The following ZNF529 variants were observed in gnomAD, a reference collection of about 807,000 sequenced individuals.
The protein encoded by ZNF529 is zinc finger protein 529.
ZNF529 carries 11 observed loss-of-function variants against 10.1 expected under a neutral mutation model. That is an observed-to-expected ratio of 1.09 (90% CI 0.69 to 1.81). The LOEUF (loss-of-function observed/expected upper bound fraction) is 1.81, where lower values mean the gene tolerates loss of function less well. ZNF529 is among the 40% of genes most tolerant of loss of function. The probability of loss-of-function intolerance (pLI) is 0.00; values close to 1 mark genes in which losing one functional copy is unlikely to be tolerated. For synonymous variants in ZNF529, 204 were observed against 215.7 expected, an observed-to-expected ratio of 0.95 and a Z score of 0.47; for missense variants, 624 against 666.8, an observed-to-expected ratio of 0.94 and a Z score of 0.71.
At chr19:36,598,597 T>C (rs377133412) in intron 1 of ZNF529, among the ~76,000 whole-genome samples, 31 of 152,282 alleles carry the variant, frequency 2.0e-4, no homozygotes, top group African/African-American at 7.0e-4. Flanking sequence ...ATGTTAATCT[T>C]AGCTCTGAAA....
chr19:36,559,319 C>T (rs551078398), intron 2 of ZNF529, among the ~76,000 whole-genome samples: 7 of 152,284 alleles, frequency 4.6e-5, no homozygotes, highest in African/African-American at 1.2e-4. Context: ...CTCTTTTCCC[C>T]CTGCACCAAG....
At chr19:36,553,690 G>A (rs2035350196) in intron 4 of ZNF529, among the ~76,000 whole-genome samples, 1 of 152,198 alleles carries the variant, frequency 6.6e-6, no homozygotes, top group African/African-American at 2.4e-5. Flanking sequence ...CACACAGTAT[G>A]TTAAAAGTTC....
At chr19:36,562,131 G>A (rs1014175455) in intron 2 of ZNF529, among the ~76,000 whole-genome samples, 5 of 152,050 alleles carry the variant, frequency 3.3e-5, no homozygotes, top group Non-Finnish European at 7.4e-5. Flanking sequence ...CCAGCTACTC[G>A]GGAGGCTGAG....
At chr19:36,574,936 G>A (rs1369668678), upstream of ZNF529, 2 of 470,256 alleles carry the variant, frequency 4.3e-6, no homozygotes, top group Non-Finnish European at 8.8e-6. Flanking sequence ...AAGCTGATAA[G>A]CCTTTTAGAA....
rs3108596 is a variant in ZNF529 at position 36,573,148 on chromosome 19, T to G, written c.-55A>C. 1.3e-4 allele frequency: 40 copies of G among 297,666 alleles called. No individual in the cohort carries two copies. The highest frequency in any genetic ancestry group is 7.9e-4 in the African/African-American group (36 of 45,700). The allele number at this position is 297,666 out of a possible 1,614,324, so 18.4% of individuals were successfully genotyped here. A position where few individuals can be genotyped will look rare whatever the true frequency, so the allele number is the denominator to read the frequency against. ...TAAACAATAGCACTAACCACCATCGTCCGCAGCTCCCGCGTACAGAGGCCT... is the reference window on the plus strand; with the variant it reads ...TAAACAATAGCACTAACCACCATCGGCCGCAGCTCCCGCGTACAGAGGCCT... On this transcript the variant is annotated 5_prime_UTR_variant, in exon 1 of 5. Coordinates refer to ENST00000591340, the MANE Select transcript of ZNF529 (RefSeq NM_020951.5).
intron 4 of ZNF529, among the ~76,000 whole-genome samples, chr19:36,549,002 C>CA (rs977510104): frequency 6.6e-5 from 10 of 151,806 alleles, no homozygotes; most frequent in African/African-American, 1.2e-4. Flanking sequence ...GAGTCCGTCT[C>CA]AAAAAAAACC....
chr19:36,571,539 G>A (rs537281320), intron 2 of ZNF529, among the ~76,000 whole-genome samples: 5 of 152,142 alleles, frequency 3.3e-5, no homozygotes, highest in Admixed American at 1.3e-4. Context: ...GCCGGGCATG[G>A]TGGCGGGCGC....
chr19:36,583,287 G>A (rs2145249063), intron 2 of ZNF529, among the ~76,000 whole-genome samples: 2 of 151,974 alleles, frequency 1.3e-5, no homozygotes, highest in Non-Finnish European at 2.9e-5. Context: ...GAACTCCTGG[G>A]CTCAAGAAAT....
intron 2 of ZNF529, chr19:36,581,214 G>A (rs147733764): frequency 4.3e-4 from 65 of 152,256 alleles, no homozygotes; most frequent in African/African-American, 1.5e-3. Context: ...ACATTACAGG[G>A]AATGTGCATT....
At chr19:36,553,106 C>G (rs1462789408) in intron 4 of ZNF529, among the ~76,000 whole-genome samples, 1 of 152,126 alleles carries the variant, frequency 6.6e-6, no homozygotes, top group African/African-American at 2.4e-5. Flanking sequence ...ACTTATATCA[C>G]AGAGTTATTG....
intron 2 of ZNF529, among the ~76,000 whole-genome samples, chr19:36,588,138 A>G (rs1484757099): frequency 1.3e-5 from 2 of 152,136 alleles, no homozygotes; most frequent in African/African-American, 4.8e-5. Flanking sequence ...AAAGAGCAAG[A>G]CTCTCTCAAA....
At chr19:36,577,494 C>CTT (rs775727195), upstream of ZNF529, 17 of 141,230 alleles carry the variant, frequency 1.2e-4, no homozygotes, top group South Asian at 2.2e-4. Flanking sequence ...ATTGTACTCT[C>CTT]TTTTTTTTTT....
At chr19:36,559,249 A>G (rs1376235627) in intron 2 of ZNF529, among the ~76,000 whole-genome samples, 1 of 152,246 alleles carries the variant, frequency 6.6e-6, no homozygotes, top group African/African-American at 2.4e-5. Flanking sequence ...AAAATAGGAC[A>G]ACCATACAAT....
chr19:36,569,646 A>G (rs1286690558), intron 2 of ZNF529, among the ~76,000 whole-genome samples: 1 of 152,078 alleles, frequency 6.6e-6, no homozygotes, highest in Non-Finnish European at 1.5e-5. Context: ...GCACACCTGT[A>G]GTCCCAGCTA....
intron 4 of ZNF529, among the ~76,000 whole-genome samples, chr19:36,552,388 C>T (rs1291668686): frequency 6.6e-6 from 1 of 152,142 alleles, no homozygotes; most frequent in Non-Finnish European, 1.5e-5. Context: ...AATTGTGCCA[C>T]TGCACTCCAG....
intron 2 of ZNF529, among the ~76,000 whole-genome samples, chr19:36,560,884 T>G (rs1266478318): frequency 6.6e-6 from 1 of 152,170 alleles, no homozygotes; most frequent in Non-Finnish European, 1.5e-5. Context: ...AATACAAAGA[T>G]GGGATTTATA....
intron 4 of ZNF529, among the ~76,000 whole-genome samples, chr19:36,549,376 ATAAT>A (rs1285352550): frequency 4.6e-5 from 7 of 152,220 alleles, no homozygotes; most frequent in Non-Finnish European, 4.4e-5. Context: ...ATAGTATATG[ATAAT>A]TAATTAGAGG....
intron 4 of ZNF529, 82 bp downstream of exon 4, chr19:36,554,588 C>A (rs1056063937): frequency 2.4e-6 from 3 of 1,255,330 alleles, no homozygotes; most frequent in African/African-American, 3.1e-5. Flanking sequence ...ATAAACAAAA[C>A]AAAACATAGC....
At chr19:36,552,066 T>C (rs2035281749) in intron 4 of ZNF529, 1 of 152,102 alleles carries the variant, frequency 6.6e-6, no homozygotes, top group Non-Finnish European at 1.5e-5. Flanking sequence ...TGGAAAACAG[T>C]TGGTGGCACT....
Sources: allele counts gnomAD v4.1 joint callset (sites outside exome capture counted in the v4.1 genomes callset), GRCh38; gene constraint gnomAD v4.1.1; transcripts MANE v1.5; gene names NCBI Gene and HGNC (gene_info 2026-07-23, HGNC 2026-07-21).